Variants in KSR2 observed in about 807,000 individuals in gnomAD.
KSR2 encodes kinase suppressor of ras 2.
In KSR2, 25 loss-of-function variants were observed where a neutral mutation model predicts 107.8. The ratio of observed to expected loss-of-function variants is 0.23; its 90% confidence interval spans 0.17 to 0.32. The LOEUF (loss-of-function observed/expected upper bound fraction) is 0.32, where lower values mean the gene tolerates loss of function less well. Among genes scored for constraint, KSR2 ranks in the 10% least tolerant of loss-of-function variants. The probability of loss-of-function intolerance (pLI) is 1.00; values close to 1 mark genes in which losing one functional copy is unlikely to be tolerated. For synonymous variants in KSR2, 480 were observed against 507.0 expected, an observed-to-expected ratio of 0.95 and a Z score of 0.71; for missense variants, 887 against 1,268.9, an observed-to-expected ratio of 0.70 and a Z score of 4.57.
chr12:117,498,597 T>C (rs1438952770), intron 14 of KSR2, among the ~76,000 whole-genome samples: 2 of 152,150 alleles, frequency 1.3e-5, no homozygotes, highest in Non-Finnish European at 2.9e-5. Flanking sequence ...CTGTGTTTCA[T>C]GCCAAGTGAT....
At chr12:117,956,889 G>A (rs1260107066) in intron 1 of KSR2, among the ~76,000 whole-genome samples, 4 of 152,224 alleles carry the variant, frequency 2.6e-5, no homozygotes, top group African/African-American at 4.8e-5. Context: ...GCAAGTGGCT[G>A]CCATACTGGA....
intron 5 of KSR2, among the ~76,000 whole-genome samples, chr12:117,666,854 C>T (rs1052788308): frequency 6.6e-6 from 1 of 152,172 alleles, no homozygotes; most frequent in African/African-American, 2.4e-5. Context: ...AATCGGGCCT[C>T]TGGGTAGAGA....
chr12:117,764,272 A>C (rs12317567), intron 3 of KSR2, among the ~76,000 whole-genome samples: 30,971 of 151,446 alleles, frequency 0.2, 5,552 homozygotes, highest in African/African-American at 0.49. Flanking sequence ...AAAAAATTCC[A>C]TAAGACCATA....
intron 5 of KSR2, among the ~76,000 whole-genome samples, chr12:117,614,850 C>A (rs1203521615): frequency 2.0e-5 from 3 of 152,172 alleles, no homozygotes; most frequent in Non-Finnish European, 4.4e-5. Flanking sequence ...AGTGTTATCT[C>A]TCTATTAATA....
chr12:117,867,367 CCT>C (rs1475046214), intron 1 of KSR2, among the ~76,000 whole-genome samples: 1 of 152,030 alleles, frequency 6.6e-6, no homozygotes, highest in Non-Finnish European at 1.5e-5. Flanking sequence ...CCAAATGTCA[CCT>C]CTCTGATTCC....
rs560236856 is a variant in KSR2 at position 117,555,317 on chromosome 12, T to C, written c.1394-24A>G. ...ATCCGTAGGGGTAAAAACATTGATTTGGGAGTTTAAGTATCACTTTGTCTT... is the reference window on the plus strand; with the variant it reads ...ATCCGTAGGGGTAAAAACATTGATTCGGGAGTTTAAGTATCACTTTGTCTT... On this transcript the variant is annotated intron_variant, in intron 8 of 19. Transcript: ENST00000339824. 370 of 1,613,002 alleles carry C rather than the reference T, an allele frequency of 2.3e-4. 2 individuals are homozygous for C. The East Asian group carries it at 7.7e-3, about 34-fold the overall frequency.
Position 117,455,073 on chromosome 12 carries a change from G to T in KSR2, c.*12126C>A, listed in dbSNP as rs1351038292. 1.2e-5 allele frequency: 1 copy of T among 83,116 alleles called. No homozygotes were observed. The highest frequency in any genetic ancestry group is 2.3e-5 in the Non-Finnish European group (1 of 43,486). The allele number at this position is 83,116 out of a possible 1,614,324, so 5.1% of individuals were successfully genotyped here. A position where few individuals can be genotyped will look rare whatever the true frequency, so the allele number is the denominator to read the frequency against. ...GAGAGAGAGAGAGAGAGAGAGAGAG[G>T]TCTGTAGAGCCAGAGAGGGATGCAG... is the stretch of plus-strand genomic sequence containing the variant. On this transcript the variant is annotated 3_prime_UTR_variant, in exon 20 of 20. Transcript: ENST00000339824.
intron 4 of KSR2, among the ~76,000 whole-genome samples, chr12:117,729,972 C>T (rs1243842490): frequency 1.3e-5 from 2 of 152,162 alleles, no homozygotes; most frequent in African/African-American, 2.4e-5. Context: ...ACATTTTCCA[C>T]TTATTAGCTA....
chr12:117,513,436 C>T (rs1402935104), intron 14 of KSR2, among the ~76,000 whole-genome samples: 2 of 152,198 alleles, frequency 1.3e-5, no homozygotes, highest in Admixed American at 6.5e-5. Flanking sequence ...AGTCTGGGGC[C>T]CAGCAAGTTT....
intron 1 of KSR2, among the ~76,000 whole-genome samples, chr12:117,947,249 G>A (rs555160231): frequency 8.1e-6 from 1 of 124,114 alleles, no homozygotes; most frequent in South Asian, 2.7e-4. Context: ...AAGAAAGAAA[G>A]AAAGAAAGAA....
At chr12:117,963,447 C>T (rs1896713209) in intron 1 of KSR2, among the ~76,000 whole-genome samples, 2 of 151,642 alleles carry the variant, frequency 1.3e-5, no homozygotes, top group African/African-American at 2.4e-5. Context: ...TTAAAAAATA[C>T]AAAAAATTAG....
At chr12:117,656,883 G>A (rs1466478681) in intron 5 of KSR2, among the ~76,000 whole-genome samples, 1 of 143,888 alleles carries the variant, frequency 6.9e-6, no homozygotes, top group African/African-American at 2.6e-5. Context: ...TTGTGATCAT[G>A]TAAGTTAATA....
intron 14 of KSR2, among the ~76,000 whole-genome samples, chr12:117,493,507 C>T (rs1202404639): frequency 6.6e-6 from 1 of 152,216 alleles, no homozygotes; most frequent in African/African-American, 2.4e-5. Flanking sequence ...GCCTGCAATG[C>T]TTTTCCCACT....
At chr12:117,869,675 C>T (rs559397129) in intron 1 of KSR2, among the ~76,000 whole-genome samples, 2 of 152,320 alleles carry the variant, frequency 1.3e-5, no homozygotes, top group East Asian at 1.9e-4. Context: ...GGTCTTTCCC[C>T]GTTAGTTCGT....
At chr12:117,845,008 T>C (rs1279698292) in intron 3 of KSR2, among the ~76,000 whole-genome samples, 2 of 151,868 alleles carry the variant, frequency 1.3e-5, no homozygotes. Context: ...TAGCCAGGCG[T>C]GGTGGCGGGT....
rs148210927 is a variant in KSR2 at position 117,867,731 on chromosome 12, A to G, written c.181-7300T>C. 1.5e-3 allele frequency among the ~76,000 whole-genome samples: 234 copies of G among 152,324 alleles called. 1 individual carries two copies. The highest frequency in any genetic ancestry group is 5.4e-3 in the African/African-American group (223 of 41,576). On this transcript the variant is annotated intron_variant, in intron 1 of 19. Coordinates refer to ENST00000339824, the MANE Select transcript of KSR2 (RefSeq NM_173598.6). ...GTTGACAGCCAACTCTTGCCTGGCT[A>G]TTGGCTATAAGTGAGGCCATCTCAG...
chr12:117,828,529 TG>T (rs1891839372), intron 3 of KSR2, among the ~76,000 whole-genome samples: 1 of 152,180 alleles, frequency 6.6e-6, no homozygotes, highest in Non-Finnish European at 1.5e-5. Flanking sequence ...TCCTAAGAAG[TG>T]TGTGTTATAA....
At chr12:117,691,660 T>A (rs1312368812) in intron 4 of KSR2, among the ~76,000 whole-genome samples, 1 of 152,236 alleles carries the variant, frequency 6.6e-6, no homozygotes, top group Non-Finnish European at 1.5e-5. Context: ...CTCTATGCTG[T>A]GTGGCTGGCT....
intron 5 of KSR2, among the ~76,000 whole-genome samples, chr12:117,621,585 AATTTAGTG>A (rs1200660594): frequency 6.6e-6 from 1 of 152,164 alleles, no homozygotes; most frequent in Non-Finnish European, 1.5e-5. Flanking sequence ...ACAGAGCAAG[AATTTAGTG>A]ATTGCATCCA....
Sources: allele counts gnomAD v4.1 joint callset (sites outside exome capture counted in the v4.1 genomes callset), GRCh38; gene constraint gnomAD v4.1.1; transcripts MANE v1.5; gene names NCBI Gene and HGNC (gene_info 2026-07-23, HGNC 2026-07-21).